CACNA1A: variants seen among roughly 807,000 people sequenced by gnomAD.
CACNA1A encodes voltage-dependent P/Q-type calcium channel subunit alpha-1A.
In CACNA1A, 57 loss-of-function variants were observed where a neutral mutation model predicts 262.4. That is an observed-to-expected ratio of 0.22 (90% CI 0.18 to 0.27). The LOEUF (loss-of-function observed/expected upper bound fraction) is 0.27, where lower values mean the gene tolerates loss of function less well. Ranked by LOEUF, CACNA1A falls within the 10% of genes least tolerant of loss-of-function variation. The probability of loss-of-function intolerance (pLI) is 1.00; values close to 1 mark genes in which losing one functional copy is unlikely to be tolerated. For synonymous variants in CACNA1A, 1,431 were observed against 1,419.3 expected (o/e 1.01, Z -0.18); for missense variants, 2,526 against 3,562.8 (o/e 0.71, Z 7.41).
chr19:13,488,701 CA>C (rs1980359843), intron 1 of CACNA1A, among the ~76,000 whole-genome samples: 1 of 152,044 alleles, frequency 6.6e-6, no homozygotes, highest in South Asian at 2.1e-4. Context: ...TGCCCAGCCT[CA>C]GCATTTTTAA....
At chr19:13,292,840 AT>A (rs1449857235) in intron 19 of CACNA1A, among the ~76,000 whole-genome samples, 1 of 151,366 alleles carries the variant, frequency 6.6e-6, no homozygotes, top group African/African-American at 2.4e-5. Context: ...CTGATCTTGA[AT>A]TTTTTTCTCT....
chr19:13,411,138 T>A (rs1304606618), intron 3 of CACNA1A, among the ~76,000 whole-genome samples: 5 of 152,184 alleles, frequency 3.3e-5, no homozygotes, highest in African/African-American at 1.2e-4. Flanking sequence ...AAAACCGCAA[T>A]TACTTTTGCA....
At chr19:13,223,592 C>G (rs1380707265) in intron 38 of CACNA1A, among the ~76,000 whole-genome samples, 1 of 152,296 alleles carries the variant, frequency 6.6e-6, no homozygotes, top group East Asian at 1.9e-4. Context: ...CCGGAGGGAA[C>G]CTGTTCAAAT....
chr19:13,377,851 G>A (rs1045459682), intron 3 of CACNA1A, among the ~76,000 whole-genome samples: 1 of 151,902 alleles, frequency 6.6e-6, no homozygotes, highest in Admixed American at 6.6e-5. Context: ...ATTTGTGGCT[G>A]TTCCAGTGGC....
chr19:13,440,557 G>A (rs1480580151), intron 3 of CACNA1A, among the ~76,000 whole-genome samples: 2 of 152,138 alleles, frequency 1.3e-5, no homozygotes, highest in African/African-American at 2.4e-5. Context: ...ATATAATTGA[G>A]CACTTATTCT....
At chr19:13,302,043 G>A (rs1448364934) in intron 17 of CACNA1A, among the ~76,000 whole-genome samples, 1 of 152,170 alleles carries the variant, frequency 6.6e-6, no homozygotes, top group Non-Finnish European at 1.5e-5. Flanking sequence ...GTTCCCAAGT[G>A]AGCATAAAAC....
At chr19:13,227,358 CT>C (rs1370788904) in intron 37 of CACNA1A, 72 bp downstream of exon 37, 4 of 621,238 alleles carry the variant, frequency 6.4e-6, no homozygotes, top group Non-Finnish European at 1.1e-5. Context: ...CTGGTCAGCA[CT>C]AAAAAAAAAG....
In CACNA1A at chr19:13,227,539, GA is replaced by G; in HGVS notation, c.5529-13del. On this transcript the variant is annotated splice_polypyrimidine_tract_variant and intron_variant, in intron 36 of 46. Transcript: ENST00000360228. ...AAGGCATGCGGCCCCTGGCAGCACCGAAAATGAAAAAAACAAAAACAAAAAC... is the reference window on the plus strand; with the variant it reads ...AAGGCATGCGGCCCCTGGCAGCACCGAAATGAAAAAAACAAAAACAAAAAC... 1 of 1,502,128 alleles carries G rather than the reference GA, an allele frequency of 6.7e-7. No individual in the cohort carries two copies. Among genetic ancestry groups the G allele is most frequent in the South Asian group, 1.3e-5 (1 of 77,910 alleles). 93.0% of individuals were successfully genotyped at this position (1,502,128 alleles called of 1,614,324 possible). A position where few individuals can be genotyped will look rare whatever the true frequency, so the allele number is the denominator to read the frequency against.
chr19:13,376,960 TA>T (rs1422726516), intron 3 of CACNA1A, among the ~76,000 whole-genome samples: 2 of 147,630 alleles, frequency 1.4e-5, no homozygotes, highest in African/African-American at 5.0e-5. Context: ...TAACATGTTA[TA>T]TATATATATG....
chr19:13,246,330 G>C (rs1307935804), intron 30 of CACNA1A, among the ~76,000 whole-genome samples: 4 of 152,192 alleles, frequency 2.6e-5, no homozygotes, highest in Non-Finnish European at 4.4e-5. Flanking sequence ...TAGGTGCAGT[G>C]ATGTGCTGTG....
Position 13,286,688 on chromosome 19 carries a change from C to T in CACNA1A, c.3368G>A (p.Arg1123Gln), listed in dbSNP as rs769497214. 62 of 1,570,842 alleles carry T rather than the reference C, an allele frequency of 3.9e-5. No individual in the cohort carries two copies. Among genetic ancestry groups the T allele is most frequent in the Non-Finnish European group, 3.9e-5 (45 of 1,157,776 alleles). ...ATNPQNAASR[R>Q]TPNNPGNPSN... is the part of the protein sequence containing the mutation. ...TGGGTTCCCCGGGTTGTTGGGCGTC[C>T]GGCGGCTGGCGGCGTTCTGGGGGTT... The change falls in exon 20 of 47, where the codon CGG becomes CAG. Residue 1123 changes from arginine to glutamine, a missense_variant. This residue lies in a region of CACNA1A where 765 missense variants were observed against 748.6 expected (regional missense o/e 1.02). Transcript: ENST00000360228.
At chr19:13,457,067 A>C (rs930616290) in intron 1 of CACNA1A, among the ~76,000 whole-genome samples, 3 of 151,740 alleles carry the variant, frequency 2.0e-5, no homozygotes, top group Non-Finnish European at 2.9e-5. Context: ...CTAGGCAACA[A>C]ACTGAGACTC....
At position 13,214,451 on chromosome 19, in the gene CACNA1A, C is replaced by G; in HGVS notation, c.5839+50G>C. On this transcript the variant is annotated intron_variant, in intron 39 of 46. Coordinates refer to ENST00000360228, the MANE Select transcript of CACNA1A (RefSeq NM_001127222.2). The surrounding 1 kb of genome is among the most constrained non-coding windows in gnomAD (Gnocchi z 4.1). ...TCCCCAGGCCTCCCCTTTCCCTCCCCCTCCATCTGTCCTGGTGGATTGGAT... is the reference window on the plus strand; with the variant it reads ...TCCCCAGGCCTCCCCTTTCCCTCCCGCTCCATCTGTCCTGGTGGATTGGAT... The G allele has an allele frequency of 1.9e-6, 3 of 1,559,832 alleles. No individual in the cohort carries two copies. Among genetic ancestry groups the G allele is most frequent in the Admixed American group, 1.7e-5 (1 of 58,104 alleles).
rs1981305947 is a variant in CACNA1A at position 13,494,845 on chromosome 19, C to T, written c.293+11087G>A. On this transcript the variant is annotated intron_variant, in intron 1 of 46. Coordinates refer to ENST00000360228, the MANE Select transcript of CACNA1A (RefSeq NM_001127222.2). Reference sequence around the variant, plus strand: ...ATCACAAGAACAGCATGGGGGAAATCACCCCCATGATCCAGTCACCTTCAC... The same window carrying T: ...ATCACAAGAACAGCATGGGGGAAATTACCCCCATGATCCAGTCACCTTCAC... Among the ~76,000 whole-genome samples, 3 of 152,146 alleles carry T rather than the reference C, an allele frequency of 2.0e-5. No individual in the cohort carries two copies. In the East Asian group the frequency reaches 5.8e-4, roughly 29 times the overall value.
At chr19:13,477,111 C>G (rs984255608) in intron 1 of CACNA1A, among the ~76,000 whole-genome samples, 2 of 152,192 alleles carry the variant, frequency 1.3e-5, no homozygotes, top group African/African-American at 4.8e-5. Context: ...GCCACATCTG[C>G]CTCCTCACTG....
chr19:13,300,515 G>T, intron 18 of CACNA1A, 35 bp downstream of exon 18: 1 of 1,432,536 alleles, frequency 7.0e-7, no homozygotes, highest in Non-Finnish European at 9.9e-7. Flanking sequence ...ACGTTCAGGA[G>T]CCAGGGTAGC....
rs1222988534 is a variant in CACNA1A at position 13,429,762 on chromosome 19, C to T, written c.539+23114G>A. The stretch of plus-strand genomic sequence containing the variant: ...AGATAAGCAAAGTGTGGTCCATCCA[C>T]ACAATGGAATACGATTCGGCCTGGA... On this transcript the variant is annotated intron_variant, in intron 3 of 46. Coordinates refer to ENST00000360228, the MANE Select transcript of CACNA1A (RefSeq NM_001127222.2). 2.6e-5 allele frequency among the ~76,000 whole-genome samples: 4 copies of T among 151,764 alleles called. No homozygotes were observed. The Middle Eastern group carries it at 0.01, about 387-fold the overall frequency.
At chr19:13,211,068 C>T (rs1166049356) in intron 43 of CACNA1A, 1 of 225,392 alleles carries the variant, frequency 4.4e-6, no homozygotes, top group African/African-American at 2.3e-5. Context: ...TGTCCCAACC[C>T]TCTCCTGGGG....
chr19:13,331,266 T>C (rs1373374165), intron 9 of CACNA1A, among the ~76,000 whole-genome samples: 1 of 152,094 alleles, frequency 6.6e-6, no homozygotes, highest in Non-Finnish European at 1.5e-5. Flanking sequence ...AGACAGAGTC[T>C]TGCTCTGTCG....
Sources: allele counts gnomAD v4.1 joint callset (sites outside exome capture counted in the v4.1 genomes callset), GRCh38; gene constraint gnomAD v4.1.1; regional missense constraint gnomAD v4.1.1; non-coding constraint Gnocchi (gnomAD v3.1); transcripts MANE v1.5; gene names NCBI Gene and HGNC (gene_info 2026-07-23, HGNC 2026-07-21).